The following L3MBTL3 variants were observed in gnomAD, a reference collection of about 807,000 sequenced individuals.
L3MBTL3 encodes the protein L3MBTL histone methyl-lysine binding protein 3.
In L3MBTL3, 27 loss-of-function variants were observed where a neutral mutation model predicts 102.3. The observed-to-expected ratio is 0.26, with a 90% confidence interval of 0.19 to 0.36. L3MBTL3 has a LOEUF of 0.36. Ranked by LOEUF, L3MBTL3 falls within the 10% of genes least tolerant of loss-of-function variation. The pLI is 1.00. For synonymous variants in L3MBTL3, 340 were observed against 320.9 expected (o/e 1.06, Z -0.64); for missense variants, 798 against 955.3 (o/e 0.84, Z 2.17).
intron 22 of L3MBTL3, among the ~76,000 whole-genome samples, chr6:130,139,348 T>C (rs1401601712): frequency 6.6e-6 from 1 of 152,214 alleles, no homozygotes; most frequent in Non-Finnish European, 1.5e-5. Flanking sequence ...TTCAGAGTAA[T>C]CACAGGAAGA....
chr6:130,035,229 G>A (rs541783571), intron 2 of L3MBTL3, among the ~76,000 whole-genome samples: 7 of 152,304 alleles, frequency 4.6e-5, no homozygotes, highest in African/African-American at 1.7e-4. Context: ...CAATATATGA[G>A]TGGTCTGCTT....
chr6:130,085,394 T>C (rs930798471), intron 15 of L3MBTL3, among the ~76,000 whole-genome samples: 1 of 152,194 alleles, frequency 6.6e-6, no homozygotes, highest in Non-Finnish European at 1.5e-5. Context: ...CACTTCTAAT[T>C]TTGGTGTCTC....
At chr6:130,033,685 C>T (rs962077945) in intron 2 of L3MBTL3, among the ~76,000 whole-genome samples, 1 of 152,222 alleles carries the variant, frequency 6.6e-6, no homozygotes, top group African/African-American at 2.4e-5. Context: ...CTTTTAAGGT[C>T]ATGTCTACCC....
intron 16 of L3MBTL3, among the ~76,000 whole-genome samples, chr6:130,089,058 C>CT (rs1554232234): frequency 6.6e-6 from 1 of 151,886 alleles, no homozygotes; most frequent in African/African-American, 2.4e-5. Context: ...TTTCAGTACT[C>CT]TATCTTTTTA....
At chr6:130,032,908 G>A (rs563375086) in intron 2 of L3MBTL3, among the ~76,000 whole-genome samples, 151 of 152,254 alleles carry the variant, frequency 9.9e-4, no homozygotes, top group African/African-American at 3.4e-3. Flanking sequence ...TGGTAGGACC[G>A]CTTGAGCCCA....
intron 19 of L3MBTL3, among the ~76,000 whole-genome samples, chr6:130,112,461 C>A (rs904086435): frequency 6.6e-6 from 1 of 152,126 alleles, no homozygotes; most frequent in African/African-American, 2.4e-5. Context: ...GAGATAAATT[C>A]CCCAAAAACA....
chr6:130,106,428 C>T (rs1784982589), intron 19 of L3MBTL3, among the ~76,000 whole-genome samples: 1 of 152,204 alleles, frequency 6.6e-6, no homozygotes, highest in Non-Finnish European at 1.5e-5. Flanking sequence ...AGGATTGTCA[C>T]CTCCACTGTC....
At chr6:130,129,496 A>C (rs1020754958) in intron 20 of L3MBTL3, among the ~76,000 whole-genome samples, 5 of 152,188 alleles carry the variant, frequency 3.3e-5, no homozygotes, top group Non-Finnish European at 7.3e-5. Flanking sequence ...AGGAAGGATG[A>C]CCATTCCTTC....
chr6:130,080,973 T>A (rs1194551468), intron 14 of L3MBTL3, among the ~76,000 whole-genome samples: 2 of 152,164 alleles, frequency 1.3e-5, no homozygotes, highest in Non-Finnish European at 2.9e-5. Context: ...AAAAGAAGGA[T>A]TCTAATCACT....
At chr6:130,097,195 A>G (rs978545206) in intron 18 of L3MBTL3, among the ~76,000 whole-genome samples, 11 of 152,174 alleles carry the variant, frequency 7.2e-5, no homozygotes, top group Non-Finnish European at 2.9e-5. Flanking sequence ...TTTCCATTTC[A>G]TTAGTAGACT....
intron 22 of L3MBTL3, chr6:130,138,111 GCAGTCTATATTTACAGGTCTTT>G (rs1787899507): frequency 6.6e-6 from 1 of 152,130 alleles, no homozygotes; most frequent in Non-Finnish European, 1.5e-5. Flanking sequence ...AAGCATTTAG[GCAGTCTATATTTACAGGTCTTT>G]CATTTTTAAA....
intron 16 of L3MBTL3, among the ~76,000 whole-genome samples, chr6:130,092,264 C>CT (rs912036415): frequency 2.0e-5 from 3 of 151,970 alleles, no homozygotes; most frequent in African/African-American, 4.8e-5. Flanking sequence ...GTCTAGCAGG[C>CT]TTTTTTTTAA....
chr6:130,113,058 C>CTT lies in L3MBTL3; in HGVS notation c.1887-7820_1887-7819dup, dbSNP rs1454822647. On this transcript the variant is annotated intron_variant, in intron 19 of 22. Transcript: ENST00000361794. Reference sequence around the variant, plus strand: ...AGTAGCTTTTCCTGGGGACTGATAACTTAAATCTCTGCATATCTACAGCTG... The same window carrying CTT: ...AGTAGCTTTTCCTGGGGACTGATAACTTTTAAATCTCTGCATATCTACAGCTG... 3.3e-5 allele frequency among the ~76,000 whole-genome samples: 5 copies of CTT among 152,010 alleles called. No homozygotes were observed. In the East Asian group the frequency reaches 9.9e-4, roughly 30 times the overall value.
At chr6:130,085,552 C>G (rs915941593) in intron 15 of L3MBTL3, among the ~76,000 whole-genome samples, 1 of 152,140 alleles carries the variant, frequency 6.6e-6, no homozygotes, top group Non-Finnish European at 1.5e-5. Flanking sequence ...GAATTTTACT[C>G]TGCTATTTCC....
In L3MBTL3 at chr6:130,133,771, A is replaced by G. The variant is rs1223020309; in HGVS notation, c.2137-72A>G. On this transcript the variant is annotated intron_variant, in intron 21 of 22. Coordinates refer to ENST00000361794, the MANE Select transcript of L3MBTL3 (RefSeq NM_032438.4). This position sits in a 1 kb window ranked among gnomAD's most constrained non-coding sequence, Gnocchi z 4.9. ...GAAATAACTAATGCATATGGGTTAA[A>G]TGTTTTGAACCTGTAGCATTTAGAT... The G allele has an allele frequency of 2.6e-5, 39 of 1,495,300 alleles. No homozygotes were observed. The highest frequency in any genetic ancestry group is 3.6e-5 in the Non-Finnish European group (39 of 1,074,704). 92.6% of individuals were successfully genotyped at this position (1,495,300 alleles called of 1,614,324 possible).
intron 6 of L3MBTL3, 150 bp downstream of exon 6, chr6:130,051,558 A>C: frequency 1.5e-6 from 1 of 664,672 alleles, no homozygotes; most frequent in Non-Finnish European, 2.5e-6. Context: ...CATGGGCCCT[A>C]ACCCCTATAT....
At chr6:130,084,357 A>G (rs1783544198) in intron 15 of L3MBTL3, among the ~76,000 whole-genome samples, 1 of 151,976 alleles carries the variant, frequency 6.6e-6, no homozygotes, top group Admixed American at 6.6e-5. Flanking sequence ...AAATATATCA[A>G]ATATTTATTT....
chr6:130,018,853 C>T (rs1047569445), intron 1 of L3MBTL3, among the ~76,000 whole-genome samples, 189 bp downstream of exon 1: 1 of 152,010 alleles, frequency 6.6e-6, no homozygotes, highest in Non-Finnish European at 1.5e-5. Flanking sequence ...CACTTCTCTG[C>T]GCCTCTGGGA....
chr6:130,139,728 A>G lies in L3MBTL3; in HGVS notation c.2318A>G (p.Glu773Gly). ...FNSILMFKAA[E>G]KNSHNEL ...TCCATCCTGATGTTCAAAGCTGCAG[A>G]GAAGAATTCTCACAATGAACTTTGA... Residue 773 changes from glutamate (E) to glycine (G), a missense_variant, in exon 23 of 23, where the codon GAG becomes GGG. Around this residue, in one of 4 missense-constraint regions of L3MBTL3, gnomAD observed 48 missense variants for 107.0 expected, o/e 0.45. Transcript: ENST00000361794. 1.9e-5 allele frequency: 31 copies of G among 1,613,360 alleles called. No homozygotes were observed. The highest frequency in any genetic ancestry group is 2.6e-5 in the Non-Finnish European group (31 of 1,179,658).
Sources: gnomAD v4.1 joint callset for allele counts (sites outside exome capture counted in the v4.1 genomes callset) on GRCh38, gnomAD v4.1.1 for gene constraint, gnomAD v4.1.1 regional missense constraint, Gnocchi (gnomAD v3.1) non-coding constraint, MANE v1.5 for transcripts, NCBI Gene and HGNC (gene_info 2026-07-23, HGNC 2026-07-21) for gene names.